Variants in HOOK1 observed in about 807,000 individuals in gnomAD.
HOOK1 encodes the protein protein Hook homolog 1.
In HOOK1, 60 loss-of-function variants were observed where a neutral mutation model predicts 112.8. The observed-to-expected ratio is 0.53, with a 90% CI of 0.43 to 0.66. The LOEUF is 0.66. Among genes scored for constraint, HOOK1 ranks in the 30% least tolerant of loss-of-function variants. HOOK1 has a pLI of 0.00. For synonymous variants in HOOK1, 294 were observed against 283.8 expected (o/e 1.04, Z -0.36); for missense variants, 770 against 856.0 (o/e 0.90, Z 1.25).
At chr1:59,836,481 C>T (rs1213973485) in intron 6 of HOOK1, among the ~76,000 whole-genome samples, 3 of 152,138 alleles carry the variant, frequency 2.0e-5, no homozygotes, top group South Asian at 2.1e-4. Context: ...ATCGTAACTC[C>T]TACTTTTAAA....
rs1365108241 is a variant in HOOK1, at chr1:59,821,905, G to A, written c.111G>A (p.Leu37=). 1.2e-6 allele frequency: 2 copies of A among 1,610,628 alleles called. No individual in the cohort carries two copies. Among genetic ancestry groups the A allele is most frequent in the South Asian group, 1.1e-5 (1 of 90,588 alleles). Residue 37 remains leucine (L), a synonymous_variant, in exon 2 of 22, where the codon CTG becomes CTA. Transcript: ENST00000371208. ...CACCTTGTCAAGATGTCAAACAGCT[G>A]ACTAGTGGAGTTGCCATGGCACAAG... ...TASPCQDVKQ[L]TSGVAMAQVL... is the part of the protein sequence containing the mutation.
intron 15 of HOOK1, among the ~76,000 whole-genome samples, chr1:59,861,567 A>G (rs80189889): frequency 0.029 from 4,439 of 152,282 alleles, 125 homozygotes; most frequent in Admixed American, 0.085. Flanking sequence ...TAATAACTCT[A>G]TGAAATAGTA....
chr1:59,826,842 A>G (rs2098390319), intron 2 of HOOK1, among the ~76,000 whole-genome samples: 1 of 152,172 alleles, frequency 6.6e-6, no homozygotes, highest in South Asian at 2.1e-4. Flanking sequence ...GGCTCACTGC[A>G]ACTTCTGTCT....
At chr1:59,831,744 C>T (rs932841822) in intron 3 of HOOK1, among the ~76,000 whole-genome samples, 6 of 152,114 alleles carry the variant, frequency 3.9e-5, no homozygotes, top group African/African-American at 1.4e-4. Context: ...GTGTAGGGCC[C>T]ATTTTCTGTT....
Position 59,833,469 on chromosome 1 carries a change from A to G in HOOK1, c.338A>G (p.Asp113Gly). ...TTAAACCAAATAACCGAATGTTCAG[A>G]TCCAGTGGAGCTTGGGAGGTTGCTC... is the stretch of plus-strand genomic sequence containing the variant. ...PDLNQITECS[D>G]PVELGRLLQL... Residue 113 changes from aspartate (D) to glycine (G), a missense_variant, in exon 5 of 22, where the codon GAT becomes GGT. Physicochemically the swap from Asp to Gly is moderately conservative, Grantham distance 94 (BLOSUM62 -1). This residue lies in a region of HOOK1 where 655 missense variants were observed against 725.9 expected (regional missense o/e 0.90). Transcript: ENST00000371208. The G allele has an allele frequency of 6.3e-7, 1 of 1,594,434 alleles. No homozygotes were observed. The highest frequency in any genetic ancestry group is 1.1e-5 in the South Asian group (1 of 88,600).
At chr1:59,851,632 C>A (rs1402069610) in intron 12 of HOOK1, among the ~76,000 whole-genome samples, 1 of 151,432 alleles carries the variant, frequency 6.6e-6, no homozygotes, top group African/African-American at 2.4e-5. Flanking sequence ...TCTTTATTTG[C>A]AATTCTGATA....
At chr1:59,817,561 C>T (rs1051428376) in intron 1 of HOOK1, among the ~76,000 whole-genome samples, 3 of 152,108 alleles carry the variant, frequency 2.0e-5, no homozygotes, top group Non-Finnish European at 4.4e-5. Flanking sequence ...ACCCAACTTT[C>T]TCCAAACTCA....
chr1:59,861,388 G>A (rs1277577634), intron 15 of HOOK1, among the ~76,000 whole-genome samples: 2 of 152,192 alleles, frequency 1.3e-5, no homozygotes, highest in Non-Finnish European at 2.9e-5. Context: ...TTCTGGACAA[G>A]TTACTTAAAC....
chr1:59,832,496 T>A (rs1241702470), intron 4 of HOOK1, among the ~76,000 whole-genome samples: 1 of 152,156 alleles, frequency 6.6e-6, no homozygotes, highest in Non-Finnish European at 1.5e-5. Context: ...TACTATAAAG[T>A]AGACTTTATA....
rs754928479 is a variant in HOOK1 at position 59,827,726 on chromosome 1, A to AT, written c.150-1043dup. Among the ~76,000 whole-genome samples the AT allele has an allele frequency of 1.5e-3, 225 of 147,240 alleles. 1 individual carries two copies. The highest frequency in any genetic ancestry group is 6.5e-3 in the Admixed American group (95 of 14,726). ...TAAATGAATTGAAAGTAGTGAAGCC[A>AT]TTTTTTTTTTTCTTTTGGTTATCAT... is the stretch of plus-strand genomic sequence containing the variant. On this transcript the variant is annotated intron_variant, in intron 2 of 21. Transcript: ENST00000371208.
At chr1:59,856,185 A>G (rs75821426) in intron 12 of HOOK1, among the ~76,000 whole-genome samples, 3,594 of 148,276 alleles carry the variant, frequency 0.024, 48 homozygotes, top group Middle Eastern at 0.046. Flanking sequence ...GCCTCAAACA[A>G]TCCTTTCACC....
chr1:59,820,846 C>T (rs191705797), intron 1 of HOOK1, among the ~76,000 whole-genome samples: 7 of 152,242 alleles, frequency 4.6e-5, no homozygotes, highest in South Asian at 4.1e-4. Flanking sequence ...TCTCACATAG[C>T]GTAGGAGCTT....
At chr1:59,856,632 A>T (rs2098410928) in intron 12 of HOOK1, among the ~76,000 whole-genome samples, 1 of 151,402 alleles carries the variant, frequency 6.6e-6, no homozygotes, top group Non-Finnish European at 1.5e-5. Context: ...TTTTTAAGTG[A>T]CTTTTTGGGA....
intron 8 of HOOK1, among the ~76,000 whole-genome samples, chr1:59,841,407 A>G (rs1341547055): frequency 1.3e-5 from 2 of 152,122 alleles, no homozygotes; most frequent in Non-Finnish European, 2.9e-5. Flanking sequence ...ACCCTTAAGC[A>G]TTTGGAAATA....
chr1:59,821,206 A>G (rs1439373796), intron 1 of HOOK1, among the ~76,000 whole-genome samples: 2 of 152,160 alleles, frequency 1.3e-5, no homozygotes, highest in African/African-American at 4.8e-5. Context: ...TTTCTATCTC[A>G]TATTTGCTTA....
intron 12 of HOOK1, among the ~76,000 whole-genome samples, chr1:59,855,862 C>T (rs2102057836): frequency 6.8e-6 from 1 of 148,000 alleles, no homozygotes; most frequent in Non-Finnish European, 1.5e-5. Context: ...AGCCTCAACC[C>T]CTTGGGCATC....
At chr1:59,858,959 C>T in intron 13 of HOOK1, 26 bp from the exon 14 acceptor site, 1 of 1,374,574 alleles carries the variant, frequency 7.3e-7, no homozygotes, top group Non-Finnish European at 1.0e-6. Context: ...TACTGAAATG[C>T]TAATTTATTT....
At chr1:59,853,113 T>C (rs2102052273) in intron 12 of HOOK1, among the ~76,000 whole-genome samples, 1 of 152,150 alleles carries the variant, frequency 6.6e-6, no homozygotes, top group South Asian at 2.1e-4. Context: ...TTGGGTAAAG[T>C]ATTCTATATA....
chr1:59,863,447 C>T (rs1012573289), intron 16 of HOOK1, among the ~76,000 whole-genome samples: 4 of 152,092 alleles, frequency 2.6e-5, no homozygotes, highest in African/African-American at 9.7e-5. Flanking sequence ...TTACCGTTTT[C>T]TGATGGATTT....
Sources: allele counts gnomAD v4.1 joint callset (sites outside exome capture counted in the v4.1 genomes callset), GRCh38; gene constraint gnomAD v4.1.1; regional missense constraint gnomAD v4.1.1; transcripts MANE v1.5; gene names NCBI Gene and HGNC (gene_info 2026-07-23, HGNC 2026-07-21).